Variants in DDAH1 observed in about 807,000 individuals in gnomAD.
DDAH1 encodes the protein dimethylarginine dimethylaminohydrolase 1.
DDAH1 carries 19 observed loss-of-function variants against 28.8 expected under a neutral mutation model. That is an observed-to-expected ratio of 0.66 (90% confidence interval 0.46 to 0.97). The LOEUF (loss-of-function observed/expected upper bound fraction) is 0.97. Among genes scored for constraint, DDAH1 ranks in the 50% least tolerant of loss-of-function variants. The probability of loss-of-function intolerance (pLI) is 0.00; values close to 1 mark genes in which losing one functional copy is unlikely to be tolerated. For missense variants in DDAH1, 326 were observed against 375.9 expected, an observed-to-expected ratio of 0.87 and a Z score of 1.10; for synonymous variants, 153 against 154.4, an observed-to-expected ratio of 0.99 and a Z score of 0.07.
chr1:85,513,771 A>G (rs1220437158), intron 1 of DDAH1, among the ~76,000 whole-genome samples: 1 of 152,274 alleles, frequency 6.6e-6, no homozygotes, highest in African/African-American at 2.4e-5. Flanking sequence ...ATCACTGGTC[A>G]TCAGAAAAAT....
At chr1:85,541,043 A>G (rs527599152) in intron 1 of DDAH1, among the ~76,000 whole-genome samples, 7 of 151,882 alleles carry the variant, frequency 4.6e-5, no homozygotes, top group Non-Finnish European at 7.4e-5. Context: ...ATCAGAACAC[A>G]TTGAATGGTT....
chr1:85,400,591 A>G (rs1652052000), intron 1 of DDAH1, among the ~76,000 whole-genome samples: 1 of 152,100 alleles, frequency 6.6e-6, no homozygotes, highest in African/African-American at 2.4e-5. Context: ...TACTGGTAAA[A>G]ATGTGGTAGA....
At position 85,404,601 on chromosome 1, in the gene DDAH1, T is replaced by C. The variant is rs368998465; in HGVS notation, c.304-45754A>G. Reference sequence around the variant, plus strand: ...GACTCTTGTGGGAATACAGAGCATGTCTGCTGAAACCGAATCCAAGAGTTC... The same window carrying C: ...GACTCTTGTGGGAATACAGAGCATGCCTGCTGAAACCGAATCCAAGAGTTC... On this transcript the variant is annotated intron_variant, in intron 1 of 5. Transcript: ENST00000284031. 1.9e-5 allele frequency: 24 copies of C among 1,244,410 alleles called. No individual in the cohort carries two copies. The East Asian group carries it at 2.9e-4, about 15-fold the overall frequency. The allele number at this position is 1,244,410 out of a possible 1,614,324, so 77.1% of individuals were successfully genotyped here.
chr1:85,422,867 CAT>C (rs374113329), intron 1 of DDAH1, among the ~76,000 whole-genome samples: 59 of 152,236 alleles, frequency 3.9e-4, no homozygotes, highest in African/African-American at 1.4e-3. Flanking sequence ...AAGGAAAGGC[CAT>C]ATGAGCGCGC....
chr1:85,324,731 T>C lies in DDAH1; in HGVS notation c.741+9A>G, dbSNP rs374918629. ...CCAGCTGCAGTGGTCAGAAGGGATA[T>C]TTTTTTACCTTTGCACTTTCTGGAT... On this transcript the variant is annotated intron_variant, in intron 5 of 5. Transcript: ENST00000284031. 2 of 1,613,690 alleles carry C rather than the reference T, an allele frequency of 1.2e-6. No homozygotes were observed. Among genetic ancestry groups the C allele is most frequent in the African/African-American group, 1.3e-5 (1 of 74,898 alleles).
At chr1:85,351,682 CTT>C in intron 2 of DDAH1, 103 bp from the exon 3 acceptor site, 1 of 832,862 alleles carries the variant, frequency 1.2e-6, no homozygotes, top group Non-Finnish European at 2.0e-6. Flanking sequence ...ACAGTTCTCT[CTT>C]ACCACAGAGA....
At chr1:85,556,238 T>G (rs1049213308) in intron 1 of DDAH1, among the ~76,000 whole-genome samples, 1 of 152,178 alleles carries the variant, frequency 6.6e-6, no homozygotes, top group African/African-American at 2.4e-5. Flanking sequence ...CTCTCTATTT[T>G]TAGAACACTC....
chr1:85,567,435 T>C (rs1659336859), intron 1 of DDAH1, among the ~76,000 whole-genome samples: 1 of 151,936 alleles, frequency 6.6e-6, no homozygotes, highest in Non-Finnish European at 1.5e-5. Context: ...AAATGGGGAG[T>C]TTCTCTGCAC....
In DDAH1 at chr1:85,326,609, A is replaced by C. The variant is rs564669851; in HGVS notation, c.598-1726T>G. ...CAGGAAACTACCTCCTACAAACTAC[A>C]TAACACCTACTTTTTCACATTCACT... On this transcript the variant is annotated intron_variant, in intron 4 of 5. Coordinates refer to ENST00000284031, the MANE Select transcript of DDAH1 (RefSeq NM_012137.4). Among the ~76,000 whole-genome samples the C allele has an allele frequency of 1.4e-4, 22 of 152,346 alleles. 1 individual carries two copies. In the East Asian group the frequency reaches 2.1e-3, roughly 15 times the overall value.
chr1:85,343,388 A>G (rs1233653080), intron 4 of DDAH1, among the ~76,000 whole-genome samples: 1 of 152,240 alleles, frequency 6.6e-6, no homozygotes, highest in African/African-American at 2.4e-5. Flanking sequence ...ATATTGTCAG[A>G]TGAGGCAACT....
intron 2 of DDAH1, among the ~76,000 whole-genome samples, chr1:85,352,265 T>G (rs1204672024): frequency 6.6e-6 from 1 of 151,958 alleles, no homozygotes; most frequent in African/African-American, 2.4e-5. Context: ...TCTGAGCAAG[T>G]GTGGGTGTGT....
intron 2 of DDAH1, among the ~76,000 whole-genome samples, chr1:85,358,075 T>C (rs890238405): frequency 6.6e-6 from 1 of 152,224 alleles, no homozygotes; most frequent in South Asian, 2.1e-4. Flanking sequence ...TTATGAATCC[T>C]TTAAATACAA....
intron 2 of DDAH1, among the ~76,000 whole-genome samples, chr1:85,490,786 C>T (rs760966523): frequency 5.3e-5 from 8 of 152,246 alleles, no homozygotes; most frequent in Middle Eastern, 3.4e-3. Flanking sequence ...AAATTTAAGT[C>T]TGTAGTCTAT....
intron 1 of DDAH1, among the ~76,000 whole-genome samples, chr1:85,397,933 G>T (rs1349041426): frequency 1.3e-5 from 2 of 151,914 alleles, no homozygotes; most frequent in Non-Finnish European, 2.9e-5. Flanking sequence ...GGAAGTTGAG[G>T]AGATGCTGGT....
intron 1 of DDAH1, among the ~76,000 whole-genome samples, chr1:85,504,528 C>T (rs960267483): frequency 1.3e-5 from 2 of 152,152 alleles, no homozygotes; most frequent in Admixed American, 1.3e-4. Flanking sequence ...GTAGCATAAC[C>T]AAGCAAACTG....
intron 1 of DDAH1, among the ~76,000 whole-genome samples, chr1:85,438,600 C>T (rs182947864): frequency 6.6e-6 from 1 of 152,250 alleles, no homozygotes; most frequent in Admixed American, 6.5e-5. Flanking sequence ...TTTGAGCAAC[C>T]CCAGCTGACA....
intron 1 of DDAH1, among the ~76,000 whole-genome samples, chr1:85,459,299 C>T (rs1256751545): frequency 6.6e-6 from 1 of 152,202 alleles, no homozygotes; most frequent in Non-Finnish European, 1.5e-5. Context: ...TATAATGGTT[C>T]TCTAATGAGT....
At chr1:85,468,838 C>T (rs538617480), upstream of DDAH1, among the ~76,000 whole-genome samples, 5 of 152,204 alleles carry the variant, frequency 3.3e-5, no homozygotes, top group South Asian at 8.3e-4. Context: ...CTTTATTAAA[C>T]CATCAGATCT....
At chr1:85,529,524 G>T (rs1480908993) in intron 1 of DDAH1, among the ~76,000 whole-genome samples, 33 of 148,932 alleles carry the variant, frequency 2.2e-4, no homozygotes, top group African/African-American at 8.2e-4. Flanking sequence ...TGGCAGGTGG[G>T]GTAGAAGCAC....
Sources: allele counts gnomAD v4.1 joint callset (sites outside exome capture counted in the v4.1 genomes callset), GRCh38; gene constraint gnomAD v4.1.1; transcripts MANE v1.5; gene names NCBI Gene and HGNC (gene_info 2026-07-23, HGNC 2026-07-21).